TTC34: variants seen among roughly 807,000 people sequenced by gnomAD.
The protein encoded by TTC34 is tetratricopeptide repeat protein 34.
A neutral mutation model predicts 40.7 loss-of-function variants in TTC34; 44 were observed. The ratio of observed to expected loss-of-function variants is 1.08; its 90% CI spans 0.85 to 1.39. The LOEUF is 1.39. TTC34 is among the 40% of genes most tolerant of loss of function. TTC34 has a pLI of 0.00. For missense variants in TTC34, 884 were observed against 838.0 expected (o/e 1.05, Z -0.68); for synonymous variants, 422 against 398.6 (o/e 1.06, Z -0.70).
chr1:2,786,016 T>C, exon 5 of TTC34: 1 of 1,466,538 alleles, frequency 6.8e-7, no homozygotes, highest in South Asian at 1.4e-5. Context: ...GACCAGCTTC[T>C]TCACCAACTG....
intron 6 of TTC34, among the ~76,000 whole-genome samples, chr1:2,749,163 A>ACT (rs1641238489): frequency 1.8e-4 from 1 of 5,488 alleles, no homozygotes; most frequent in Non-Finnish European, 2.9e-4. Flanking sequence ...CAAACTGCAC[A>ACT]CCCAGGTGAG....
At chr1:2,789,698 G>T in exon 3 of TTC34, 1 of 1,166,724 alleles carries the variant, frequency 8.6e-7, no homozygotes, top group Non-Finnish European at 1.1e-6. Flanking sequence ...CCTGCAGGCG[G>T]TGACATAGTC....
chr1:2,783,269 C>T (rs1444009783), intron 6 of TTC34, among the ~76,000 whole-genome samples: 3 of 152,206 alleles, frequency 2.0e-5, no homozygotes, highest in African/African-American at 7.2e-5. Flanking sequence ...ACCAATGCAG[C>T]TGAGGGAACA....
At chr1:2,685,200 C>A (rs1570810096) in intron 6 of TTC34, among the ~76,000 whole-genome samples, 1 of 144,704 alleles carries the variant, frequency 6.9e-6, no homozygotes, top group African/African-American at 2.7e-5. Flanking sequence ...CACCCACACC[C>A]CCAGGTGAGC....
intron 6 of TTC34, among the ~76,000 whole-genome samples, chr1:2,656,368 A>AG (rs1557589936): frequency 1.0e-4 from 10 of 96,026 alleles, no homozygotes; most frequent in African/African-American, 4.6e-4. Flanking sequence ...CTGGAACAGC[A>AG]CCCACACCCA....
At chr1:2,647,734 C>T (rs1181537322) in intron 6 of TTC34, among the ~76,000 whole-genome samples, 4 of 152,194 alleles carry the variant, frequency 2.6e-5, no homozygotes, top group South Asian at 4.1e-4. Context: ...GCTGCCACTT[C>T]GCCCTCCCAA....
rs1304168408 is a variant in TTC34, at chr1:2,683,171, G to A, written c.2227-37608C>T. Among the ~76,000 whole-genome samples the A allele has an allele frequency of 8.5e-4, 113 of 133,382 alleles. 2 individuals are homozygous for A. Among genetic ancestry groups the A allele is most frequent in the African/African-American group, 3.2e-3 (104 of 32,774 alleles). The allele number at this position is 133,382 out of a possible 152,430, so 87.5% of individuals were successfully genotyped here. A position where few individuals can be genotyped will look rare whatever the true frequency, so the allele number is the denominator to read the frequency against. On this transcript the variant is annotated intron_variant, in intron 6 of 8. Transcript: ENST00000401095. ...CACAGCCCCAGGAGAGCATCCGGCAGCCTGGAGCGGAACCCACGGCCACAG... is the reference window on the plus strand; with the variant it reads ...CACAGCCCCAGGAGAGCATCCGGCAACCTGGAGCGGAACCCACGGCCACAG...
At chr1:2,753,643 G>A (rs1357502185) in intron 6 of TTC34, among the ~76,000 whole-genome samples, 13 of 90,626 alleles carry the variant, frequency 1.4e-4, no homozygotes, top group South Asian at 3.9e-4. Flanking sequence ...TGACAGCCTG[G>A]AGCAGCACCC....
intron 6 of TTC34, among the ~76,000 whole-genome samples, chr1:2,688,044 C>G (rs564228145): frequency 7.1e-6 from 1 of 139,866 alleles, no homozygotes; most frequent in African/African-American, 2.8e-5. Context: ...ACAGCACCCA[C>G]ACCCCCAGGT....
intron 6 of TTC34, among the ~76,000 whole-genome samples, chr1:2,699,271 T>G (rs1274750518): frequency 2.7e-4 from 27 of 101,332 alleles, no homozygotes; most frequent in African/African-American, 3.5e-4. Flanking sequence ...GCATCTGAAG[T>G]CATGGAGCAG....
At chr1:2,685,724 G>A (rs1218482103) in intron 6 of TTC34, among the ~76,000 whole-genome samples, 4 of 145,956 alleles carry the variant, frequency 2.7e-5, no homozygotes, top group Admixed American at 1.4e-4. Flanking sequence ...CACACCCCCA[G>A]GTGCGCATCT....
intron 6 of TTC34, among the ~76,000 whole-genome samples, chr1:2,646,294 G>A (rs1639020572): frequency 6.6e-6 from 1 of 152,180 alleles, no homozygotes. Context: ...GATCCCCACA[G>A]CAGTAAATTC....
At chr1:2,657,416 A>C (rs1347826807) in intron 6 of TTC34, among the ~76,000 whole-genome samples, 3 of 74,170 alleles carry the variant, frequency 4.0e-5, no homozygotes, top group African/African-American at 1.3e-4. Context: ...GAGCAGTACC[A>C]GTACCCCCAG....
chr1:2,749,464 G>C (rs1435147203), intron 6 of TTC34, among the ~76,000 whole-genome samples: 1 of 113,108 alleles, frequency 8.8e-6, no homozygotes, highest in Admixed American at 9.1e-5. Context: ...GCATCTGACG[G>C]CCTGGAACAG....
intron 6 of TTC34, among the ~76,000 whole-genome samples, chr1:2,750,860 T>A (rs1244441177): frequency 8.0e-6 from 1 of 125,424 alleles, no homozygotes; most frequent in Non-Finnish European, 1.6e-5. Context: ...CAGGTGAGCA[T>A]CTGACAGCGT....
chr1:2,652,381 T>C (rs1397784424), intron 6 of TTC34, among the ~76,000 whole-genome samples: 4,702 of 138,384 alleles, frequency 0.034, 2 homozygotes, highest in Non-Finnish European at 0.038. Flanking sequence ...GGTGAGCATC[T>C]GACAGCCTGG....
chr1:2,799,626 C>T (rs1190327255), intron 2 of TTC34, among the ~76,000 whole-genome samples: 1 of 152,172 alleles, frequency 6.6e-6, no homozygotes, highest in Non-Finnish European at 1.5e-5. Context: ...CCTTGGGAGG[C>T]CAGGAGGATC....
intron 6 of TTC34, among the ~76,000 whole-genome samples, chr1:2,693,796 C>A (rs796737561): frequency 0.014 from 119 of 8,356 alleles, no homozygotes; most frequent in South Asian, 0.027. Context: ...CCCCCAGGTG[C>A]GCATGTGATG....
intron 6 of TTC34, among the ~76,000 whole-genome samples, chr1:2,683,583 G>A (rs1395317024): frequency 7.2e-6 from 1 of 138,880 alleles, no homozygotes; most frequent in African/African-American, 2.9e-5. Context: ...GCCTGGAACA[G>A]CACCCACACA....
Sources: gnomAD v4.1 joint callset for allele counts (sites outside exome capture counted in the v4.1 genomes callset) on GRCh38, gnomAD v4.1.1 for gene constraint, MANE v1.5 for transcripts, NCBI Gene and HGNC (gene_info 2026-07-23, HGNC 2026-07-21) for gene names.